Variants in SYNPO2 observed in about 807,000 individuals in gnomAD.
SYNPO2 encodes synaptopodin-2.
SYNPO2 carries 56 observed loss-of-function variants against 85.0 expected under a neutral mutation model. The ratio of observed to expected loss-of-function variants is 0.66; its 90% CI spans 0.53 to 0.82. The LOEUF is 0.82. Ranked by LOEUF, SYNPO2 falls within the 40% of genes least tolerant of loss-of-function variation. The pLI is 0.00. For synonymous variants in SYNPO2, 602 were observed against 591.1 expected (o/e 1.02, Z -0.27); for missense variants, 1,575 against 1,534.2 (o/e 1.03, Z -0.44).
intron 1 of SYNPO2, among the ~76,000 whole-genome samples, chr4:118,954,632 A>G (rs557076681): frequency 6.7e-6 from 1 of 149,944 alleles, no homozygotes; most frequent in Non-Finnish European, 1.5e-5. Context: ...TGAAATTTTT[A>G]CATTCTCCAA....
intron 1 of SYNPO2, among the ~76,000 whole-genome samples, chr4:118,980,251 A>C (rs6825960): frequency 0.044 from 6,703 of 152,154 alleles, 515 homozygotes; most frequent in African/African-American, 0.15. Context: ...TTGGGGGCCC[A>C]CTCAGACCTT....
intron 4 of SYNPO2, chr4:119,036,440 T>G: frequency 1.0e-6 from 1 of 985,450 alleles, no homozygotes; most frequent in Non-Finnish European, 1.2e-6. Flanking sequence ...ACTTTGGTGT[T>G]GCCGAGTTAG....
chr4:118,900,741 G>GTCTGTCTATCTATCTA (rs371824212), intron 1 of SYNPO2, among the ~76,000 whole-genome samples: 1 of 86,256 alleles, frequency 1.2e-5, no homozygotes, highest in African/African-American at 4.1e-5. Flanking sequence ...ATGTCTGTCT[G>GTCTGTCTATCTATCTA]TCTATCTATC....
At chr4:118,957,079 AG>A (rs911170101) in intron 1 of SYNPO2, among the ~76,000 whole-genome samples, 1 of 151,892 alleles carries the variant, frequency 6.6e-6, no homozygotes, top group African/African-American at 2.4e-5. Context: ...AATAAAAAAA[AG>A]TGACATGGTG....
chr4:119,007,233 T>TATGTATATAC lies in SYNPO2; in HGVS notation c.106-16195_106-16194insGTATATACAT, dbSNP rs1553945927. ...GAACAAAGGTATATATATATATATA[T>TATGTATATAC]ATATATATATATGTATATACATATA... On this transcript the variant is annotated intron_variant, in intron 1 of 4. Coordinates refer to ENST00000307142, the MANE Select transcript of SYNPO2 (RefSeq NM_133477.3). Among the ~76,000 whole-genome samples, 87 of 42,086 alleles carry TATGTATATAC rather than the reference T, an allele frequency of 2.1e-3. 5 individuals carry two copies. The highest frequency in any genetic ancestry group is 8.3e-3 in the African/African-American group (84 of 10,152). The allele number at this position is 42,086 out of a possible 152,430, so 27.6% of individuals were successfully genotyped here. A position where few individuals can be genotyped will look rare whatever the true frequency, so the allele number is the denominator to read the frequency against.
chr4:118,864,364 G>A (rs191920291), intron 1 of SYNPO2, among the ~76,000 whole-genome samples: 1 of 152,108 alleles, frequency 6.6e-6, no homozygotes, highest in East Asian at 1.9e-4. Context: ...CGAACATATG[G>A]TCTATCCTTG....
At chr4:118,951,114 TACAG>T (rs535864170) in intron 1 of SYNPO2, among the ~76,000 whole-genome samples, 2 of 152,228 alleles carry the variant, frequency 1.3e-5, no homozygotes, top group Non-Finnish European at 2.9e-5. Flanking sequence ...GCTTGGTCTA[TACAG>T]ACAGTGTGTA....
chr4:118,866,269 C>A (rs573342833), intron 1 of SYNPO2, among the ~76,000 whole-genome samples: 1 of 152,224 alleles, frequency 6.6e-6, no homozygotes, highest in South Asian at 2.1e-4. Context: ...CTCATTAAAT[C>A]CAAGTAGGAA....
At chr4:118,994,962 A>G (rs1736535500) in intron 1 of SYNPO2, among the ~76,000 whole-genome samples, 1 of 152,204 alleles carries the variant, frequency 6.6e-6, no homozygotes, top group South Asian at 2.1e-4. Context: ...TTGTCTAATG[A>G]ATATTTTTTA....
At chr4:119,007,570 T>G (rs1288974567) in intron 1 of SYNPO2, among the ~76,000 whole-genome samples, 3 of 151,960 alleles carry the variant, frequency 2.0e-5, no homozygotes, top group African/African-American at 7.3e-5. Flanking sequence ...TTCATAATAC[T>G]CTGTTCATCA....
Position 118,994,503 on chromosome 4 carries a change from T to G in SYNPO2, c.106-28927T>G, listed in dbSNP as rs372593076. Among the ~76,000 whole-genome samples the G allele has an allele frequency of 1.1e-4, 17 of 152,312 alleles. No homozygotes were observed. The East Asian group carries it at 2.3e-3, about 21-fold the overall frequency. Reference sequence around the variant, plus strand: ...AAGAATTGAGAGATGGAGTGACAATTGGGTTAGATGCATCAATATGAGCAC... The same window carrying G: ...AAGAATTGAGAGATGGAGTGACAATGGGGTTAGATGCATCAATATGAGCAC... On this transcript the variant is annotated intron_variant, in intron 1 of 4. Coordinates refer to ENST00000307142, the MANE Select transcript of SYNPO2 (RefSeq NM_133477.3).
At chr4:118,962,511 C>A (rs1735138384) in intron 1 of SYNPO2, among the ~76,000 whole-genome samples, 1 of 152,100 alleles carries the variant, frequency 6.6e-6, no homozygotes, top group Non-Finnish European at 1.5e-5. Flanking sequence ...AAAACATTAA[C>A]CCTGCTAGGA....
At chr4:118,970,001 A>G (rs999374023) in intron 1 of SYNPO2, among the ~76,000 whole-genome samples, 2 of 152,182 alleles carry the variant, frequency 1.3e-5, no homozygotes, top group African/African-American at 4.8e-5. Context: ...TCTATTATTA[A>G]TTAACAGCAT....
chr4:118,866,803 A>T (rs892348191), intron 1 of SYNPO2, among the ~76,000 whole-genome samples: 38 of 152,280 alleles, frequency 2.5e-4, no homozygotes, highest in African/African-American at 8.9e-4. Flanking sequence ...TCCTTCAGCC[A>T]CGACTGTAGG....
intron 1 of SYNPO2, among the ~76,000 whole-genome samples, chr4:119,019,271 G>A (rs1024504689): frequency 2.0e-5 from 3 of 152,062 alleles, no homozygotes; most frequent in Non-Finnish European, 4.4e-5. Flanking sequence ...TATTGCATTT[G>A]GTAACTACTG....
chr4:118,934,631 G>A (rs1335980534), intron 1 of SYNPO2, among the ~76,000 whole-genome samples: 1 of 152,174 alleles, frequency 6.6e-6, no homozygotes, highest in Non-Finnish European at 1.5e-5. Context: ...GAAATTTATG[G>A]CTTTTAGAGT....
chr4:118,908,364 C>T (rs2149122604), intron 1 of SYNPO2, among the ~76,000 whole-genome samples: 1 of 152,154 alleles, frequency 6.6e-6, no homozygotes, highest in Non-Finnish European at 1.5e-5. Context: ...AAGTATATGT[C>T]AATGTCAAAT....
At chr4:119,037,148 A>G in intron 4 of SYNPO2, 9 of 1,546,890 alleles carry the variant, frequency 5.8e-6, no homozygotes, top group Non-Finnish European at 7.9e-6. Flanking sequence ...TCAAGATATC[A>G]TAAGGACCTA....
intron 1 of SYNPO2, among the ~76,000 whole-genome samples, chr4:118,881,193 T>C (rs529725894): frequency 6.6e-6 from 1 of 150,824 alleles, no homozygotes; most frequent in African/African-American, 2.4e-5. Flanking sequence ...TTCCAGCTAC[T>C]CAGGAGGCTG....
Sources: allele counts gnomAD v4.1 joint callset (sites outside exome capture counted in the v4.1 genomes callset), GRCh38; gene constraint gnomAD v4.1.1; transcripts MANE v1.5; gene names NCBI Gene and HGNC (gene_info 2026-07-23, HGNC 2026-07-21).